ARHGAP11A: variants seen among roughly 807,000 people sequenced by gnomAD.
The protein encoded by ARHGAP11A is Rho GTPase activating protein 11A.
ARHGAP11A carries 36 observed loss-of-function variants against 60.5 expected under a neutral mutation model. The ratio of observed to expected loss-of-function variants is 0.59; its 90% CI spans 0.46 to 0.79. The LOEUF (loss-of-function observed/expected upper bound fraction) is 0.79, where lower values mean the gene tolerates loss of function less well. Among genes scored for constraint, ARHGAP11A ranks in the 30% least tolerant of loss-of-function variants. ARHGAP11A has a pLI of 0.00. For synonymous variants in ARHGAP11A, 362 were observed against 415.5 expected, an observed-to-expected ratio of 0.87 and a Z score of 1.57; for missense variants, 1,071 against 1,199.2, an observed-to-expected ratio of 0.89 and a Z score of 1.58.
At chr15:32,618,946 C>A (rs535546960) in intron 1 of ARHGAP11A, among the ~76,000 whole-genome samples, 1 of 151,970 alleles carries the variant, frequency 6.6e-6, no homozygotes, top group Admixed American at 6.6e-5. Context: ...GTGAGACTCC[C>A]TCTCAAAAAA....
intron 2 of ARHGAP11A, among the ~76,000 whole-genome samples, chr15:32,621,032 C>A (rs1473005094): frequency 6.6e-6 from 1 of 151,624 alleles, no homozygotes; most frequent in Non-Finnish European, 1.5e-5. Context: ...CTCATTGCCA[C>A]TGCACTCCAG....
chr15:32,617,951 T>G (rs2053201415), intron 1 of ARHGAP11A, among the ~76,000 whole-genome samples: 1 of 152,210 alleles, frequency 6.6e-6, no homozygotes, highest in African/African-American at 2.4e-5. Flanking sequence ...TAGGGATTTT[T>G]AAAAAGTGAA....
chr15:32,633,241 CTTA>C, intron 9 of ARHGAP11A, 133 bp downstream of exon 9: 2 of 989,520 alleles, frequency 2.0e-6, no homozygotes, highest in Non-Finnish European at 2.9e-6. Flanking sequence ...CCTTTATAGT[CTTA>C]TTAATCAATT....
rs1419333597 is a variant in ARHGAP11A at position 32,636,383 on chromosome 15, C to T, written c.1610C>T (p.Ala537Val). 1 of 1,614,096 alleles carries T rather than the reference C, an allele frequency of 6.2e-7. No individual in the cohort carries two copies. Among genetic ancestry groups the T allele is most frequent in the Non-Finnish European group, 8.5e-7 (1 of 1,179,980 alleles). ...TTTCAAGAAGTAGATGCAAATGAAG[C>T]TTCTTCAATGGTGGAAAATCTTGAG... is the stretch of plus-strand genomic sequence containing the variant. ...SSFQEVDANE[A>V]SSMVENLEVE... Residue 537 changes from alanine (A) to valine (V), a missense_variant, in exon 12 of 12, where the codon GCT becomes GTT. Transcript: ENST00000361627.
At chr15:32,625,055 C>T (rs1479668542) in intron 4 of ARHGAP11A, 25 bp from the exon 5 acceptor site, 2 of 1,612,322 alleles carry the variant, frequency 1.2e-6, no homozygotes, top group African/African-American at 2.7e-5. Flanking sequence ...TTGGCTCCAT[C>T]TAATAAAGCG....
At chr15:32,633,217 T>A (rs539923535) in intron 9 of ARHGAP11A, 109 bp downstream of exon 9, 26 of 1,264,834 alleles carry the variant, frequency 2.1e-5, no homozygotes, top group African/African-American at 1.2e-4. Flanking sequence ...CATAATTTTT[T>A]AAAATCCCTT....
rs140578993 is a variant in ARHGAP11A at position 32,623,537 on chromosome 15, C to T, written c.246C>T (p.Thr82=). Residue 82 remains threonine (T), a synonymous_variant, in exon 3 of 12, where the codon ACC becomes ACT. Transcript: ENST00000361627. ...CATCTTTAGAAGACCATATTCATAC[C>T]GAAGGGCTTTTTCGGAAATCAGGAT... ...ACTSLEDHIH[T]EGLFRKSGSV... 1.3e-5 allele frequency: 21 copies of T among 1,614,058 alleles called. No homozygotes were observed. Among genetic ancestry groups the T allele is most frequent in the East Asian group, 4.5e-5 (2 of 44,870 alleles).
At chr15:32,621,613 C>T (rs1490281640) in intron 2 of ARHGAP11A, among the ~76,000 whole-genome samples, 1 of 152,304 alleles carries the variant, frequency 6.6e-6, no homozygotes, top group African/African-American at 2.4e-5. Flanking sequence ...ATTACGAGGT[C>T]AGGAGATCCA....
chr15:32,633,228 C>A, intron 9 of ARHGAP11A, 120 bp downstream of exon 9: 1 of 1,156,370 alleles, frequency 8.6e-7, no homozygotes, highest in Non-Finnish European at 1.2e-6. Flanking sequence ...AAAATCCCTT[C>A]TGCCTTTATA....
chr15:32,637,853 A>G lies in ARHGAP11A; in HGVS notation c.*8A>G, dbSNP rs761050217. The G allele has an allele frequency of 9.6e-6, 15 of 1,564,516 alleles. No homozygotes were observed. The highest frequency in any genetic ancestry group is 1.1e-5 in the Non-Finnish European group (13 of 1,157,246). Reference sequence around the variant, plus strand: ...AAACCTGTAGATTTGTAATTGGTAAATGTTATACTTGTCATTAATGTAAAT... The same window carrying G: ...AAACCTGTAGATTTGTAATTGGTAAGTGTTATACTTGTCATTAATGTAAAT... On this transcript the variant is annotated 3_prime_UTR_variant, in exon 12 of 12. Transcript: ENST00000361627.
intron 8 of ARHGAP11A, among the ~76,000 whole-genome samples, chr15:32,632,599 T>C (rs8026112): frequency 0.023 from 3,434 of 152,258 alleles, 134 homozygotes; most frequent in African/African-American, 0.078. Flanking sequence ...ATATTCATCA[T>C]AGAAGTCCGT....
Position 32,633,406 on chromosome 15 carries a change from T to C in ARHGAP11A, c.1235+298T>C, listed in dbSNP as rs185039506. Among the ~76,000 whole-genome samples the C allele has an allele frequency of 1.7e-3, 263 of 152,156 alleles. 1 individual carries two copies. Among genetic ancestry groups the C allele is most frequent in the African/African-American group, 6.2e-3 (259 of 41,530 alleles). Reference sequence around the variant, plus strand: ...CTGTAATCCTAGCACTTAGGGAGGCTGAGGTGGGTGGAGCACTTGAGCTCA... The same window carrying C: ...CTGTAATCCTAGCACTTAGGGAGGCCGAGGTGGGTGGAGCACTTGAGCTCA... On this transcript the variant is annotated intron_variant, in intron 9 of 11. Transcript: ENST00000361627.
In ARHGAP11A at chr15:32,625,149, T is replaced by C. The variant is rs1487977896; in HGVS notation, c.621T>C (p.Ser207=). The change falls in exon 5 of 12, where the codon AGT becomes AGC. Residue 207 remains serine, a synonymous_variant. Coordinates refer to ENST00000361627, the MANE Select transcript of ARHGAP11A (RefSeq NM_014783.6). ...TTGCACCGAATCTTCTTCAGACAAG[T>C]GAAGGACATGAAAAGATGTCTTCTA... The part of the protein sequence containing the change: ...VIFAPNLLQT[S]EGHEKMSSNT... The C allele has an allele frequency of 5.6e-6, 9 of 1,613,840 alleles. No individual in the cohort carries two copies. Among genetic ancestry groups the C allele is most frequent in the Non-Finnish European group, 7.6e-6 (9 of 1,179,856 alleles).
chr15:32,618,763 C>G (rs946464817), intron 1 of ARHGAP11A, among the ~76,000 whole-genome samples: 4 of 134,542 alleles, frequency 3.0e-5, no homozygotes, highest in Non-Finnish European at 6.5e-5. Flanking sequence ...GTGAAACCCC[C>G]CCCCCCCCGC....
rs1174471936 is a variant in ARHGAP11A at position 32,638,601 on chromosome 15, A to G, written c.*756A>G. 1.3e-5 allele frequency: 2 copies of G among 152,528 alleles called. No homozygotes were observed. The highest frequency in any genetic ancestry group is 1.9e-4 in the East Asian group (1 of 5,198). The allele number at this position is 152,528 out of a possible 1,614,324, so 9.4% of individuals were successfully genotyped here. ...TTATTGTCCTTGCCAAAATTCCTAG[A>G]AATTAATTTCCTTCAATAGCATCCT... On this transcript the variant is annotated 3_prime_UTR_variant, in exon 12 of 12. Coordinates refer to ENST00000361627, the MANE Select transcript of ARHGAP11A (RefSeq NM_014783.6).
chr15:32,639,131 AATT>A lies in ARHGAP11A; in HGVS notation c.*1291_*1293del, dbSNP rs1396426594. 3 of 152,654 alleles carry A rather than the reference AATT, an allele frequency of 2.0e-5. No homozygotes were observed. The highest frequency in any genetic ancestry group is 7.2e-5 in the African/African-American group (3 of 41,462). 9.5% of individuals were successfully genotyped at this position (152,654 alleles called of 1,614,324 possible). A position where few individuals can be genotyped will look rare whatever the true frequency, so the allele number is the denominator to read the frequency against. On this transcript the variant is annotated 3_prime_UTR_variant, in exon 12 of 12. Coordinates refer to ENST00000361627, the MANE Select transcript of ARHGAP11A (RefSeq NM_014783.6). ...TAAATCTGTCTAAATTTATATTTTA[AATT>A]ATTACAAATTACACATCTTTGAGGA...
chr15:32,625,294 C>G lies in ARHGAP11A; in HGVS notation c.715+51C>G, dbSNP rs538388853. 17 of 1,541,154 alleles carry G rather than the reference C, an allele frequency of 1.1e-5. No individual in the cohort carries two copies. In the South Asian group the frequency reaches 1.2e-4, roughly 11 times the overall value. On this transcript the variant is annotated intron_variant, in intron 5 of 11. Transcript: ENST00000361627. ...GAATTTGTTTAAATGAGGAAAATCT[C>G]TGTTTCTTTCAAAGGAACTATGAAG...
intron 6 of ARHGAP11A, among the ~76,000 whole-genome samples, chr15:32,626,322 A>G (rs965240257): frequency 6.6e-6 from 1 of 152,190 alleles, no homozygotes; most frequent in Non-Finnish European, 1.5e-5. Context: ...CGAACTAAAT[A>G]ATGAAGGAAA....
Position 32,636,421 on chromosome 15 carries a change from T to C in ARHGAP11A, c.1648T>C (p.Leu550=). 6.2e-7 allele frequency: 1 copy of C among 1,614,038 alleles called. No homozygotes were observed. The highest frequency in any genetic ancestry group is 8.5e-7 in the Non-Finnish European group (1 of 1,179,968). The change falls in exon 12 of 12, where the codon TTG becomes CTG. Residue 550 remains leucine, a synonymous_variant. Coordinates refer to ENST00000361627, the MANE Select transcript of ARHGAP11A (RefSeq NM_014783.6). ...MVENLEVENS[L]EPDIMVEKSP... ...GGAAAATCTTGAGGTAGAAAACTCT[T>C]TGGAGCCTGATATTATGGTAGAAAA...
Sources: gnomAD v4.1 joint callset for allele counts (sites outside exome capture counted in the v4.1 genomes callset) on GRCh38, gnomAD v4.1.1 for gene constraint, MANE v1.5 for transcripts, NCBI Gene and HGNC (gene_info 2026-07-23, HGNC 2026-07-21) for gene names.